ZDHHC2: variants seen among roughly 807,000 people sequenced by gnomAD.
ZDHHC2 encodes zDHHC palmitoyltransferase 2, also known as palmitoyltransferase ZDHHC2.
In ZDHHC2, 51 loss-of-function variants were observed where a neutral mutation model predicts 55.6. The ratio of observed to expected loss-of-function variants is 0.92; its 90% CI spans 0.73 to 1.16. The LOEUF (loss-of-function observed/expected upper bound fraction) is 1.16, where lower values mean the gene tolerates loss of function less well. ZDHHC2 is among the 50% of genes most tolerant of loss of function. The probability of loss-of-function intolerance (pLI) is 0.00; values close to 1 mark genes in which losing one functional copy is unlikely to be tolerated. For missense variants in ZDHHC2, 491 were observed against 442.4 expected (o/e 1.11, Z -0.99); for synonymous variants, 199 against 152.9 (o/e 1.30, Z -2.22).
chr8:17,223,507 C>T lies in ZDHHC2; in HGVS notation c.*3286C>T, dbSNP rs1011554421. 1 of 151,882 alleles carries T rather than the reference C, an allele frequency of 6.6e-6. No homozygotes were observed. Among genetic ancestry groups the T allele is most frequent in the Admixed American group, 6.6e-5 (1 of 15,218 alleles). 9.4% of individuals were successfully genotyped at this position (151,882 alleles called of 1,614,324 possible). On this transcript the variant is annotated 3_prime_UTR_variant, in exon 13 of 13. Coordinates refer to ENST00000262096, the MANE Select transcript of ZDHHC2 (RefSeq NM_016353.5). ...GCTTAATCCCAAATGTTTTACACTTCTTTTCCACATACTTAGCCAGTTCAG... is the reference window on the plus strand; with the variant it reads ...GCTTAATCCCAAATGTTTTACACTTTTTTTCCACATACTTAGCCAGTTCAG...
chr8:17,191,738 C>A, intron 3 of ZDHHC2, among the ~76,000 whole-genome samples: 1 of 152,148 alleles, frequency 6.6e-6, no homozygotes, highest in South Asian at 2.1e-4. Context: ...ACTGAGTTTC[C>A]TTTCAAATCT....
rs1806566009 is a variant in ZDHHC2, at chr8:17,199,546, T to TCTTCGTCTTGTCTTC, written c.476+1133_476+1134insCTTCGTCTTGTCTTC. 4.9e-4 allele frequency among the ~76,000 whole-genome samples: 20 copies of TCTTCGTCTTGTCTTC among 40,666 alleles called. 2 individuals carry two copies. The highest frequency in any genetic ancestry group is 1.4e-3 in the African/African-American group (19 of 13,612). The allele number at this position is 40,666 out of a possible 152,430, so 26.7% of individuals were successfully genotyped here. On this transcript the variant is annotated intron_variant, in intron 6 of 12. Transcript: ENST00000262096. Reference sequence around the variant, plus strand: ...GTCTTCGTCTTCTGTCTTCGTCTTCTGTCTTCGTCTTCGTCTTCTTCGTCT... The same window carrying TCTTCGTCTTGTCTTC: ...GTCTTCGTCTTCTGTCTTCGTCTTCTCTTCGTCTTGTCTTCGTCTTCGTCTTCGTCTTCTTCGTCT...
At chr8:17,175,647 C>T (rs567425011) in intron 1 of ZDHHC2, among the ~76,000 whole-genome samples, 2 of 152,154 alleles carry the variant, frequency 1.3e-5, no homozygotes, top group Admixed American at 6.5e-5. Flanking sequence ...CAAAAGAGCT[C>T]GGTGAGATAA....
intron 1 of ZDHHC2, among the ~76,000 whole-genome samples, chr8:17,167,600 G>C (rs568497135): frequency 1.6e-4 from 24 of 152,140 alleles, no homozygotes; most frequent in African/African-American, 5.5e-4. Flanking sequence ...CCGGCCACAA[G>C]CTGGTAATAT....
At chr8:17,175,772 G>A (rs1270527393) in intron 1 of ZDHHC2, among the ~76,000 whole-genome samples, 1 of 152,232 alleles carries the variant, frequency 6.6e-6, no homozygotes, top group African/African-American at 2.4e-5. Context: ...AATACAGGTT[G>A]TGTGAGATGC....
At chr8:17,197,763 C>A in intron 5 of ZDHHC2, 112 bp downstream of exon 5, 1 of 1,194,534 alleles carries the variant, frequency 8.4e-7, no homozygotes, top group Non-Finnish European at 1.2e-6. Context: ...CGCTTCTCAG[C>A]CCTTGATTTA....
intron 6 of ZDHHC2, among the ~76,000 whole-genome samples, chr8:17,199,677 C>CTT (rs1422812592): frequency 2.2e-5 from 3 of 133,982 alleles, no homozygotes; most frequent in African/African-American, 5.2e-5. Context: ...CCTCCTTCTT[C>CTT]TTCTTCTTTT....
intron 10 of ZDHHC2, among the ~76,000 whole-genome samples, chr8:17,214,712 C>G (rs989024707): frequency 2.0e-5 from 3 of 152,006 alleles, no homozygotes; most frequent in African/African-American, 7.3e-5. Context: ...CATTTGTGAT[C>G]AGGCTGGGCA....
intron 3 of ZDHHC2, among the ~76,000 whole-genome samples, chr8:17,189,129 T>G (rs1259389394): frequency 7.0e-5 from 1 of 14,362 alleles, no homozygotes; most frequent in Non-Finnish European, 2.7e-4. Flanking sequence ...TTTGTTATGT[T>G]TTTTTTTTTT....
intron 1 of ZDHHC2, among the ~76,000 whole-genome samples, chr8:17,169,635 C>T (rs1027559832): frequency 6.6e-6 from 1 of 152,058 alleles, no homozygotes; most frequent in African/African-American, 2.4e-5. Context: ...GATTCTGATC[C>T]GCAGCACAGG....
intron 1 of ZDHHC2, among the ~76,000 whole-genome samples, chr8:17,177,810 T>C (rs1805224669): frequency 6.6e-6 from 1 of 151,888 alleles, no homozygotes. Context: ...GTATTCTTCA[T>C]TATCAGATGT....
chr8:17,184,361 A>T (rs1805596963), intron 1 of ZDHHC2, among the ~76,000 whole-genome samples: 1 of 152,238 alleles, frequency 6.6e-6, no homozygotes, highest in South Asian at 2.1e-4. Context: ...TGCTGTGGAC[A>T]CATTTTATTC....
intron 1 of ZDHHC2, among the ~76,000 whole-genome samples, chr8:17,163,973 A>ATT (rs1451358815): frequency 6.6e-6 from 1 of 152,108 alleles, no homozygotes; most frequent in Non-Finnish European, 1.5e-5. Flanking sequence ...ATTTTATTAT[A>ATT]ATTGTCTTGA....
At chr8:17,198,909 A>G (rs1385841047) in intron 6 of ZDHHC2, among the ~76,000 whole-genome samples, 1 of 152,226 alleles carries the variant, frequency 6.6e-6, no homozygotes, top group African/African-American at 2.4e-5. Context: ...ATTCATTAAT[A>G]TTTGCTAATA....
chr8:17,195,125 AAT>A, intron 3 of ZDHHC2, among the ~76,000 whole-genome samples: 1 of 152,308 alleles, frequency 6.6e-6, no homozygotes, highest in Middle Eastern at 3.4e-3. Flanking sequence ...ATTTGTTCTT[AAT>A]GATCTAAATG....
intron 1 of ZDHHC2, among the ~76,000 whole-genome samples, chr8:17,181,692 C>T (rs1197672674): frequency 6.6e-6 from 1 of 152,048 alleles, no homozygotes; most frequent in Non-Finnish European, 1.5e-5. Flanking sequence ...CACATTAAAA[C>T]CAATAGTTAT....
At chr8:17,184,391 G>T (rs1016234016) in intron 1 of ZDHHC2, among the ~76,000 whole-genome samples, 3 of 152,348 alleles carry the variant, frequency 2.0e-5, no homozygotes, top group Admixed American at 2.0e-4. Flanking sequence ...AGCTCACCAG[G>T]TGGTTGCCAG....
intron 1 of ZDHHC2, among the ~76,000 whole-genome samples, chr8:17,182,876 C>G (rs1805507910): frequency 1.3e-5 from 2 of 152,144 alleles, no homozygotes. Flanking sequence ...ATTCTCCTGC[C>G]TCAGCCTCCA....
intron 10 of ZDHHC2, 57 bp from the exon 11 acceptor site, chr8:17,215,180 C>T: frequency 2.0e-6 from 3 of 1,475,178 alleles, no homozygotes; most frequent in East Asian, 2.5e-5. Flanking sequence ...AAACAATCAA[C>T]TTTACTATCA....
Sources: allele counts gnomAD v4.1 joint callset (sites outside exome capture counted in the v4.1 genomes callset), GRCh38; gene constraint gnomAD v4.1.1; transcripts MANE v1.5; gene names NCBI Gene and HGNC (gene_info 2026-07-23, HGNC 2026-07-21).